Variants in SUMF1 observed in about 807,000 individuals in gnomAD.
The protein encoded by SUMF1 is sulfatase modifying factor 1, also known as formylglycine-generating enzyme.
A neutral mutation model predicts 47.6 loss-of-function variants in SUMF1; 48 were observed. The observed-to-expected ratio is 1.01, with a 90% CI of 0.80 to 1.28. The LOEUF (loss-of-function observed/expected upper bound fraction) is 1.28. Ranked by LOEUF, SUMF1 falls within the 50% of genes most tolerant of loss-of-function variation. SUMF1 has a pLI of 0.00. For synonymous variants in SUMF1, 230 were observed against 192.1 expected (o/e 1.20, Z -1.63); for missense variants, 571 against 485.4 (o/e 1.18, Z -1.66).
At chr3:4,308,885 T>C (rs57936983) in intron 8 of SUMF1, among the ~76,000 whole-genome samples, 13,854 of 152,266 alleles carry the variant, frequency 0.091, 799 homozygotes, top group African/African-American at 0.16. Flanking sequence ...GAGCCAAATA[T>C]GAGTGAGCAT....
chr3:4,423,266 A>C (rs987396993), intron 3 of SUMF1, among the ~76,000 whole-genome samples: 12 of 140,736 alleles, frequency 8.5e-5, no homozygotes, highest in Non-Finnish European at 1.8e-4. Flanking sequence ...ACAAGTGAAT[A>C]AAGAAACTGT....
chr3:4,046,194 A>G (rs763846766), intron 9 of SUMF1, among the ~76,000 whole-genome samples: 4 of 152,164 alleles, frequency 2.6e-5, no homozygotes, highest in Non-Finnish European at 5.9e-5. Context: ...TCAGCTCCCA[A>G]GTGGCTGAGT....
chr3:4,190,979 G>A (rs1231095726), intron 8 of SUMF1, among the ~76,000 whole-genome samples: 1 of 152,162 alleles, frequency 6.6e-6, no homozygotes, highest in Non-Finnish European at 1.5e-5. Context: ...TAGGCAAACA[G>A]ACAAATAAGA....
At chr3:4,175,033 G>T (rs1694927085) in intron 8 of SUMF1, among the ~76,000 whole-genome samples, 1 of 152,218 alleles carries the variant, frequency 6.6e-6, no homozygotes, top group Non-Finnish European at 1.5e-5. Context: ...CAGCCTGGAA[G>T]CTCAAACTGG....
intron 8 of SUMF1, among the ~76,000 whole-genome samples, chr3:4,276,103 A>C (rs981205055): frequency 6.6e-6 from 1 of 152,154 alleles, no homozygotes; most frequent in South Asian, 2.1e-4. Context: ...CTCAGATTCC[A>C]TCTTCCCTGG....
intron 7 of SUMF1, among the ~76,000 whole-genome samples, chr3:4,389,753 C>A (rs915574062): frequency 6.6e-6 from 1 of 152,104 alleles, no homozygotes; most frequent in Non-Finnish European, 1.5e-5. Flanking sequence ...TGCTGTTGAG[C>A]CCATACACTG....
chr3:4,349,030 A>C lies in SUMF1; in HGVS notation c.1014+27300T>G, dbSNP rs1249018504. Among the ~76,000 whole-genome samples the C allele has an allele frequency of 2.0e-5, 3 of 152,386 alleles. No individual in the cohort carries two copies. In the East Asian group the frequency reaches 5.8e-4, roughly 29 times the overall value. ...TCTAATTAAACTAAAGATCTTCTGC[A>C]CAGCAAATGAAACTGTCATCAGAGT... On this transcript the variant is annotated intron_variant and NMD_transcript_variant, in intron 8 of 12. Transcript: ENST00000448413.
intron 8 of SUMF1, among the ~76,000 whole-genome samples, chr3:4,188,066 C>G (rs549174955): frequency 6.6e-6 from 1 of 152,224 alleles, no homozygotes; most frequent in Non-Finnish European, 1.5e-5. Flanking sequence ...CACACATGCT[C>G]TTAGCTTCCC....
intron 8 of SUMF1, among the ~76,000 whole-genome samples, chr3:4,234,784 G>C (rs1045532035): frequency 1.3e-5 from 2 of 152,054 alleles, no homozygotes; most frequent in East Asian, 1.9e-4. Context: ...AACTATTCCA[G>C]GCCAAAAAAA....
intron 8 of SUMF1, among the ~76,000 whole-genome samples, chr3:4,179,184 A>G (rs1292500275): frequency 6.6e-6 from 1 of 152,198 alleles, no homozygotes; most frequent in Admixed American, 6.5e-5. Flanking sequence ...GCAAAAAACT[A>G]CTTTAAAGTT....
intron 8 of SUMF1, among the ~76,000 whole-genome samples, chr3:4,175,966 A>C (rs761822867): frequency 5.3e-5 from 8 of 152,212 alleles, no homozygotes; most frequent in Admixed American, 3.9e-4. Flanking sequence ...TAATGAAATA[A>C]GCAAGAAAAC....
chr3:4,445,531 GTCTC>G (rs150097291), intron 3 of SUMF1, among the ~76,000 whole-genome samples: 4 of 150,050 alleles, frequency 2.7e-5, no homozygotes, highest in African/African-American at 7.3e-5. Context: ...TAGAGATGGG[GTCTC>G]TCTCTCTCTC....
At chr3:4,169,808 T>C (rs779935917) in intron 8 of SUMF1, among the ~76,000 whole-genome samples, 2 of 152,294 alleles carry the variant, frequency 1.3e-5, no homozygotes, top group East Asian at 3.9e-4. Context: ...ATAAACAGTA[T>C]AGTATCAGGC....
At chr3:4,450,367 A>T (rs1244769470) in intron 2 of SUMF1, among the ~76,000 whole-genome samples, 1 of 152,154 alleles carries the variant, frequency 6.6e-6, no homozygotes, top group African/African-American at 2.4e-5. Flanking sequence ...TACTAGATGA[A>T]ATTAACTGAG....
chr3:4,287,691 G>T (rs530381359), intron 8 of SUMF1, among the ~76,000 whole-genome samples: 87 of 152,256 alleles, frequency 5.7e-4, no homozygotes, highest in African/African-American at 2.0e-3. Context: ...TGTTTCCCTT[G>T]AATATTTAAA....
At chr3:4,266,431 G>C (rs911409382) in intron 8 of SUMF1, among the ~76,000 whole-genome samples, 21 of 152,048 alleles carry the variant, frequency 1.4e-4, no homozygotes, top group Admixed American at 2.0e-4. Flanking sequence ...AGTTCTCCTT[G>C]AAGAGGTCCT....
intron 8 of SUMF1, among the ~76,000 whole-genome samples, chr3:4,237,438 G>A (rs1696434800): frequency 6.6e-6 from 1 of 151,998 alleles, no homozygotes; most frequent in Admixed American, 6.6e-5. Flanking sequence ...TTGATTATGT[G>A]TGTGTGTTCA....
At chr3:4,452,117 GA>G (rs1430248222) in intron 2 of SUMF1, among the ~76,000 whole-genome samples, 2 of 150,764 alleles carry the variant, frequency 1.3e-5, no homozygotes, top group Non-Finnish European at 3.0e-5. Context: ...TTTACAAAAA[GA>G]CATTTGGGGT....
intron 8 of SUMF1, among the ~76,000 whole-genome samples, chr3:4,345,053 G>A (rs1301860774): frequency 6.6e-6 from 1 of 152,112 alleles, no homozygotes; most frequent in Non-Finnish European, 1.5e-5. Context: ...CCAAACCTAT[G>A]ATTGATTGGA....
Sources: gnomAD v4.1 joint callset for allele counts (sites outside exome capture counted in the v4.1 genomes callset) on GRCh38, gnomAD v4.1.1 for gene constraint, MANE v1.5 for transcripts, NCBI Gene and HGNC (gene_info 2026-07-23, HGNC 2026-07-21) for gene names.